Variants in NRXN1 observed in about 807,000 individuals in gnomAD.
NRXN1 encodes neurexin-1.
NRXN1 carries 39 observed loss-of-function variants against 150.9 expected under a neutral mutation model. The ratio of observed to expected loss-of-function variants is 0.26; its 90% confidence interval spans 0.20 to 0.34. NRXN1 has a LOEUF of 0.34. Among genes scored for constraint, NRXN1 ranks in the 10% least tolerant of loss-of-function variants. The pLI, the probability that NRXN1 is intolerant of heterozygous loss-of-function variation, is 1.00. For synonymous variants in NRXN1, 924 were observed against 757.0 expected (o/e 1.22, Z -3.62); for missense variants, 1,815 against 1,949.9 (o/e 0.93, Z 1.30).
At chr2:50,515,008 G>A (rs1285266096) in intron 12 of NRXN1, among the ~76,000 whole-genome samples, 1 of 152,150 alleles carries the variant, frequency 6.6e-6, no homozygotes, top group African/African-American at 2.4e-5. Flanking sequence ...GCCACAGACA[G>A]GTACCAGCCT....
intron 5 of NRXN1, among the ~76,000 whole-genome samples, chr2:50,657,478 A>T (rs1345676184): frequency 6.6e-6 from 1 of 152,022 alleles, no homozygotes; most frequent in Non-Finnish European, 1.5e-5. Flanking sequence ...TGAGTGACAG[A>T]GGACAGGGAT....
intron 18 of NRXN1, among the ~76,000 whole-genome samples, chr2:50,095,606 T>A (rs532050485): frequency 6.6e-6 from 1 of 152,258 alleles, no homozygotes; most frequent in South Asian, 2.1e-4. Flanking sequence ...AATAAGTCCC[T>A]TTAACTTAAC....
intron 5 of NRXN1, among the ~76,000 whole-genome samples, chr2:50,678,490 A>T (rs1278921482): frequency 6.6e-6 from 1 of 152,186 alleles, no homozygotes. Context: ...TTCATTTTAC[A>T]TGTTTCAACT....
chr2:50,385,539 A>G (rs1188758528), intron 17 of NRXN1, among the ~76,000 whole-genome samples: 2 of 152,118 alleles, frequency 1.3e-5, no homozygotes, highest in East Asian at 1.9e-4. Context: ...CCTCAAACCA[A>G]CACTCTCAGT....
rs1276274161 is a variant in NRXN1, at chr2:50,760,712, T to C, written c.833-137097A>G. On this transcript the variant is annotated intron_variant, in intron 5 of 22. Coordinates refer to ENST00000401669, the MANE Select transcript of NRXN1 (RefSeq NM_001330078.2). ...AAAACAAACAAAGAAACAAACCTGT[T>C]ATGCATTATAGGAGTGATTTTCAAT... 3.3e-5 allele frequency among the ~76,000 whole-genome samples: 5 copies of C among 151,906 alleles called. No homozygotes were observed. In the East Asian group the frequency reaches 9.8e-4, roughly 30 times the overall value.
chr2:50,224,693 A>AAGAGAG (rs201700032), intron 18 of NRXN1, among the ~76,000 whole-genome samples: 2,622 of 130,340 alleles, frequency 0.02, 51 homozygotes, highest in African/African-American at 0.032. Flanking sequence ...GAGAGGGAGA[A>AAGAGAG]AGAGAGAGAG....
chr2:50,359,208 G>A (rs1341536222), intron 17 of NRXN1, among the ~76,000 whole-genome samples: 2 of 151,666 alleles, frequency 1.3e-5, no homozygotes, highest in African/African-American at 4.9e-5. Context: ...CTCCTTCAAA[G>A]GACCACAGCC....
intron 2 of NRXN1, among the ~76,000 whole-genome samples, chr2:50,981,676 C>T (rs144998337): frequency 1.7e-3 from 263 of 151,792 alleles, no homozygotes; most frequent in African/African-American, 5.6e-3. Flanking sequence ...CTTTCCATTA[C>T]GATATCTTTG....
intron 17 of NRXN1, among the ~76,000 whole-genome samples, chr2:50,325,349 T>A (rs73930342): frequency 6.6e-6 from 1 of 152,102 alleles, no homozygotes; most frequent in Non-Finnish European, 1.5e-5. Flanking sequence ...AGGGAAGATA[T>A]GAATAGAGGG....
At chr2:50,791,146 A>G (rs542331071) in intron 5 of NRXN1, among the ~76,000 whole-genome samples, 180 of 151,434 alleles carry the variant, frequency 1.2e-3, no homozygotes, top group African/African-American at 4.3e-3. Flanking sequence ...TTAAAAAAAA[A>G]GACTGTCAAA....
At position 51,024,753 on chromosome 2, in the gene NRXN1, T is replaced by C. The variant is rs191698932; in HGVS notation, c.772+2749A>G. Among the ~76,000 whole-genome samples, 14 of 152,284 alleles carry C rather than the reference T, an allele frequency of 9.2e-5. No homozygotes were observed. The East Asian group carries it at 2.5e-3, about 27-fold the overall frequency. On this transcript the variant is annotated intron_variant, in intron 2 of 22. Coordinates refer to ENST00000401669, the MANE Select transcript of NRXN1 (RefSeq NM_001330078.2). ...TATTTTAAACATGAAGGCAGTTAAATGGTGTTAAAATTTTAAAAGTATTAT... is the reference window on the plus strand; with the variant it reads ...TATTTTAAACATGAAGGCAGTTAAACGGTGTTAAAATTTTAAAAGTATTAT...
At chr2:50,939,210 C>CAAAA (rs78496825) in intron 2 of NRXN1, among the ~76,000 whole-genome samples, 3 of 68,312 alleles carry the variant, frequency 4.4e-5, no homozygotes, top group Non-Finnish European at 9.1e-5. Context: ...GACTCCATCT[C>CAAAA]AAAAAAAAAA....
chr2:50,162,224 C>T (rs946988300), intron 18 of NRXN1, among the ~76,000 whole-genome samples: 1 of 151,966 alleles, frequency 6.6e-6, no homozygotes, highest in Non-Finnish European at 1.5e-5. Context: ...AAGAACTAGG[C>T]GTTTTATATA....
chr2:50,213,359 T>A (rs568693942), intron 18 of NRXN1, among the ~76,000 whole-genome samples: 1 of 152,028 alleles, frequency 6.6e-6, no homozygotes, highest in African/African-American at 2.4e-5. Flanking sequence ...GAATAAAAGC[T>A]ATGTGACTAA....
intron 17 of NRXN1, among the ~76,000 whole-genome samples, chr2:50,353,330 A>C (rs928657567): frequency 6.6e-6 from 1 of 152,138 alleles, no homozygotes; most frequent in African/African-American, 2.4e-5. Context: ...ATAATATGCC[A>C]TCTTTTAATC....
intron 18 of NRXN1, among the ~76,000 whole-genome samples, chr2:50,173,566 T>C (rs2060158056): frequency 6.6e-6 from 1 of 152,126 alleles, no homozygotes. Flanking sequence ...ATGAGTATAT[T>C]TGTGATAATT....
intron 22 of NRXN1, among the ~76,000 whole-genome samples, chr2:49,937,296 T>C (rs1572934269): frequency 6.6e-6 from 1 of 152,278 alleles, no homozygotes; most frequent in East Asian, 1.9e-4. Context: ...CCAGCCTTTT[T>C]TGTTTGTTTG....
At chr2:50,597,570 C>T (rs1225233116) in intron 8 of NRXN1, among the ~76,000 whole-genome samples, 1 of 152,194 alleles carries the variant, frequency 6.6e-6, no homozygotes, top group East Asian at 1.9e-4. Flanking sequence ...CCTCATTAAA[C>T]TTCCCAGAAT....
At chr2:50,616,625 C>A (rs940973188) in intron 8 of NRXN1, 3 of 152,042 alleles carry the variant, frequency 2.0e-5, no homozygotes, top group African/African-American at 7.2e-5. Context: ...GTATTCTAAT[C>A]CTGCTGGACC....
Sources: allele counts gnomAD v4.1 joint callset (sites outside exome capture counted in the v4.1 genomes callset), GRCh38; gene constraint gnomAD v4.1.1; transcripts MANE v1.5; gene names NCBI Gene and HGNC (gene_info 2026-07-23, HGNC 2026-07-21).